NLRC3: variants seen among roughly 807,000 people sequenced by gnomAD.
NLRC3 encodes the protein NLR family CARD domain containing 3, also known as NLR family CARD domain-containing protein 3.
A neutral mutation model predicts 91.6 loss-of-function variants in NLRC3; 87 were observed. The ratio of observed to expected loss-of-function variants is 0.95; its 90% confidence interval spans 0.80 to 1.14. NLRC3 has a LOEUF of 1.14. Ranked by LOEUF, NLRC3 falls within the 50% of genes most tolerant of loss-of-function variation. The pLI, the probability that NLRC3 is intolerant of heterozygous loss-of-function variation, is 0.00. For synonymous variants in NLRC3, 694 were observed against 625.3 expected (o/e 1.11, Z -1.64); for missense variants, 1,577 against 1,418.6 (o/e 1.11, Z -1.79).
At chr16:3,543,197 C>A (rs748752333) in intron 17 of NLRC3, 2 of 536,534 alleles carry the variant, frequency 3.7e-6, no homozygotes, top group Non-Finnish European at 6.7e-6. Context: ...ATAAACCAGG[C>A]CTCTAGACGT....
chr16:3,548,457 C>G (rs1471844967), intron 14 of NLRC3, among the ~76,000 whole-genome samples: 2 of 152,216 alleles, frequency 1.3e-5, no homozygotes, highest in Non-Finnish European at 2.9e-5. Flanking sequence ...CCTGGAGGCC[C>G]AGCTGTGACC....
chr16:3,544,100 G>T, intron 16 of NLRC3, 146 bp downstream of exon 16: 1 of 600,762 alleles, frequency 1.7e-6, no homozygotes, highest in Non-Finnish European at 3.0e-6. Flanking sequence ...GGAGGTTACA[G>T]TTAGCTGAGA....
At chr16:3,560,342 G>A (rs1262311822) in intron 6 of NLRC3, among the ~76,000 whole-genome samples, 1 of 152,044 alleles carries the variant, frequency 6.6e-6, no homozygotes, top group South Asian at 2.1e-4. Context: ...AGAATTGCTT[G>A]AACCCGGGAG....
intron 15 of NLRC3, among the ~76,000 whole-genome samples, chr16:3,547,656 G>T (rs538315942): frequency 6.6e-6 from 1 of 151,936 alleles, no homozygotes; most frequent in East Asian, 1.9e-4. Flanking sequence ...GTGTGTGTAT[G>T]TATATATATG....
chr16:3,550,454 C>A lies in NLRC3; in HGVS notation c.2395G>T (p.Ala799Ser). 2 of 1,613,626 alleles carry A rather than the reference C, an allele frequency of 1.2e-6. No individual in the cohort carries two copies. The highest frequency in any genetic ancestry group is 1.7e-6 in the Non-Finnish European group (2 of 1,179,550). ...SIGDGGAKAL[A>S]EALKVNQGLE... ...CCCTGGTTCACCTTCAGGGCCTCAG[C>A]CAGGGCCTTGGCACCTCCATCACCA... The change falls in exon 11 of 20, where the codon GCT (alanine) becomes TCT (serine). Residue 799 changes from alanine (A) to serine (S), a missense_variant. By Grantham distance (99) the Ala-to-Ser change is moderately conservative. Transcript: ENST00000359128.
chr16:3,544,098 C>T, intron 16 of NLRC3, 148 bp downstream of exon 16: 1 of 595,898 alleles, frequency 1.7e-6, no homozygotes, highest in Non-Finnish European at 3.0e-6. Flanking sequence ...GTGGAGGTTA[C>T]AGTTAGCTGA....
rs1266080658 is a variant in NLRC3, at chr16:3,564,163, A to T, written c.774T>A (p.Phe258Leu). ...AGGTGATCCAGATGGAAACTTCCGG[A>T]AAGAGGTTGCCACGGATGATGTTGG... ...LITNIIRGNL[F>L]PEVSIWITSR... Residue 258 changes from phenylalanine to leucine, a missense_variant, in exon 5 of 20, where the codon TTT (phenylalanine) becomes TTA (leucine). Phe to Leu is a conservative substitution (Grantham distance 22, BLOSUM62 0). Coordinates refer to ENST00000359128, the MANE Select transcript of NLRC3 (RefSeq NM_178844.4). The surrounding 1 kb of genome is among the most constrained non-coding windows in gnomAD (Gnocchi z 5.9). 1.9e-6 allele frequency: 3 copies of T among 1,613,558 alleles called. No individual in the cohort carries two copies. Among genetic ancestry groups the T allele is most frequent in the Non-Finnish European group, 2.5e-6 (3 of 1,179,784 alleles).
intron 2 of NLRC3, among the ~76,000 whole-genome samples, chr16:3,566,821 G>T (rs1427136357): frequency 6.6e-6 from 1 of 152,202 alleles, no homozygotes; most frequent in African/African-American, 2.4e-5. Context: ...AACCTGGAAG[G>T]TAGAGGCTGC....
intron 15 of NLRC3, chr16:3,545,520 A>T (rs915043508): frequency 6.6e-6 from 1 of 152,240 alleles, no homozygotes. Context: ...AATGAAAAAA[A>T]AAATAAGAAA....
At chr16:3,551,342 A>G (rs1213675807) in intron 10 of NLRC3, among the ~76,000 whole-genome samples, 4 of 150,974 alleles carry the variant, frequency 2.6e-5, no homozygotes, top group African/African-American at 9.8e-5. Flanking sequence ...CCACTCATCC[A>G]TTCAACCATC....
chr16:3,564,381 C>T lies in NLRC3; in HGVS notation c.556G>A (p.Glu186Lys), dbSNP rs754326514. The part of the protein sequence containing the change: ...PLTFRDLNTH[E>K]KLCADRLICS... ...ATGAGTCGGTCGGCACACAGCTTCT[C>T]GTGGGTGTTGAGATCCCGGAAGGTC... The change falls in exon 5 of 20, where the codon GAG becomes AAG. Residue 186 changes from glutamate (E) to lysine (K), a missense_variant. Physicochemically the swap from Glu to Lys is moderately conservative, Grantham distance 56. Transcript: ENST00000359128. This position sits in a 1 kb window ranked among gnomAD's most constrained non-coding sequence, Gnocchi z 5.9. 2 of 1,612,468 alleles carry T rather than the reference C, an allele frequency of 1.2e-6. No homozygotes were observed. The highest frequency in any genetic ancestry group is 4.5e-5 in the East Asian group (2 of 44,882).
rs2038326455 is a variant in NLRC3 at position 3,539,731 on chromosome 16, C to T, written c.*2094G>A. On this transcript the variant is annotated 3_prime_UTR_variant, in exon 20 of 20. Coordinates refer to ENST00000359128, the MANE Select transcript of NLRC3 (RefSeq NM_178844.4). ...ACTGCAAGACCCATGTTCAGATTTCCCCCCTTTTACAAATAATGTTTTGTT... is the reference window on the plus strand; with the variant it reads ...ACTGCAAGACCCATGTTCAGATTTCTCCCCTTTTACAAATAATGTTTTGTT... 1 of 152,168 alleles carries T rather than the reference C, an allele frequency of 6.6e-6. No individual in the cohort carries two copies. The highest frequency in any genetic ancestry group is 2.4e-5 in the African/African-American group (1 of 41,434). 9.4% of individuals were successfully genotyped at this position (152,168 alleles called of 1,614,324 possible).
intron 8 of NLRC3, among the ~76,000 whole-genome samples, chr16:3,554,685 G>A (rs895364685): frequency 6.6e-6 from 1 of 152,160 alleles, no homozygotes; most frequent in African/African-American, 2.4e-5. Context: ...AAAATGGTCC[G>A]CTGTCTGTGG....
intron 1 of NLRC3, among the ~76,000 whole-genome samples, chr16:3,573,662 G>C (rs2040179664): frequency 6.6e-6 from 1 of 152,214 alleles, no homozygotes; most frequent in Non-Finnish European, 1.5e-5. Flanking sequence ...AGGAGGATGA[G>C]AGGACTGCGT....
rs762334299 is a variant in NLRC3 at position 3,556,965 on chromosome 16, C to T, written c.2129G>A (p.Gly710Glu). The T allele has an allele frequency of 6.2e-7, 1 of 1,613,694 alleles. No homozygotes were observed. Among genetic ancestry groups the T allele is most frequent in the South Asian group, 1.1e-5 (1 of 91,054 alleles). ...DLRGNSIGPQ[G>E]AKALADALKI... ...CAAAGCGTCTGCCAGCGCCTTGGCC[C>T]CTTGTGGTCCAATGGAGTTACCGCG... Residue 710 changes from glycine (G) to glutamate (E), a missense_variant, in exon 8 of 20, where the codon GGG (glycine) becomes GAG (glutamate). Transcript: ENST00000359128.
In NLRC3 at chr16:3,563,088, C is replaced by G; in HGVS notation, c.1849G>C (p.Glu617Gln). 1 of 1,572,528 alleles carries G rather than the reference C, an allele frequency of 6.4e-7. No individual in the cohort carries two copies. Among genetic ancestry groups the G allele is most frequent in the African/African-American group, 1.3e-5 (1 of 74,226 alleles). ...LLQVSDACAQ[E>Q]ANLSLSLSQG... is the part of the protein sequence containing the mutation. ...CTGAGGCTCAGGGACAGGTTGGCCT[C>G]CTGGGCACAGGCGTCGGACACCTGC... Residue 617 changes from glutamate to glutamine, a missense_variant, in exon 5 of 20, where the codon GAG (glutamate) becomes CAG (glutamine). Physicochemically the swap from Glu to Gln is conservative, Grantham distance 29. Coordinates refer to ENST00000359128, the MANE Select transcript of NLRC3 (RefSeq NM_178844.4).
chr16:3,541,978 T>C, intron 19 of NLRC3, 63 bp from the exon 20 acceptor site: 1 of 1,012,082 alleles, frequency 9.9e-7, no homozygotes, highest in South Asian at 1.4e-5. Flanking sequence ...GAGCAGGCCA[T>C]ACAATAGAAA....
At position 3,563,100 on chromosome 16, in the gene NLRC3, C is replaced by T. The variant is rs376725513; in HGVS notation, c.1837G>A (p.Ala613Thr). 3.2e-6 allele frequency: 5 copies of T among 1,575,430 alleles called. 1 individual carries two copies. Among genetic ancestry groups the T allele is most frequent in the South Asian group, 2.3e-5 (2 of 86,020 alleles). ...GACAGGTTGGCCTCCTGGGCACAGG[C>T]GTCGGACACCTGCAGGAGGTAGGCC... ...ALAYLLQVSD[A>T]CAQEANLSLS... Residue 613 changes from alanine to threonine, a missense_variant, in exon 5 of 20, where the codon GCC (alanine) becomes ACC (threonine). Coordinates refer to ENST00000359128, the MANE Select transcript of NLRC3 (RefSeq NM_178844.4).
chr16:3,541,793 A>G lies in NLRC3; in HGVS notation c.*32T>C, dbSNP rs1311346494. 1.4e-6 allele frequency: 2 copies of G among 1,453,350 alleles called. No homozygotes were observed. The highest frequency in any genetic ancestry group is 9.6e-7 in the Non-Finnish European group (1 of 1,038,602). 90.0% of individuals were successfully genotyped at this position (1,453,350 alleles called of 1,614,324 possible). The stretch of plus-strand genomic sequence containing the variant: ...TCTGTTCAAAAGCTTCCAGCTGAGC[A>G]TCTGCCCATTCTCCTGATCCGTCCA... On this transcript the variant is annotated 3_prime_UTR_variant, in exon 20 of 20. Transcript: ENST00000359128.
Sources: gnomAD v4.1 joint callset for allele counts (sites outside exome capture counted in the v4.1 genomes callset) on GRCh38, gnomAD v4.1.1 for gene constraint, Gnocchi (gnomAD v3.1) non-coding constraint, MANE v1.5 for transcripts, NCBI Gene and HGNC (gene_info 2026-07-23, HGNC 2026-07-21) for gene names.